The following PLEKHH2 variants were observed in gnomAD, a reference collection of about 807,000 sequenced individuals.
The protein encoded by PLEKHH2 is pleckstrin homology domain-containing family H member 2.
PLEKHH2 carries 129 observed loss-of-function variants against 187.9 expected under a neutral mutation model. The observed-to-expected ratio is 0.69, with a 90% CI of 0.59 to 0.79. The LOEUF (loss-of-function observed/expected upper bound fraction) is 0.79. PLEKHH2 is among the 30% of genes least tolerant of loss of function. PLEKHH2 has a pLI of 0.00. For synonymous variants in PLEKHH2, 686 were observed against 605.6 expected (o/e 1.13, Z -1.95); for missense variants, 2,076 against 1,751.2 (o/e 1.19, Z -3.31).
intron 4 of PLEKHH2, 132 bp from the exon 5 acceptor site, chr2:43,694,299 T>G (rs1208830201): frequency 2.8e-6 from 3 of 1,062,042 alleles, no homozygotes; most frequent in Non-Finnish European, 3.9e-6. Flanking sequence ...AAAAACCTAT[T>G]TGGTAATTTG....
intron 2 of PLEKHH2, among the ~76,000 whole-genome samples, chr2:43,671,720 C>A (rs1382954866): frequency 6.6e-6 from 1 of 152,114 alleles, no homozygotes; most frequent in Non-Finnish European, 1.5e-5. Context: ...AATGATATTT[C>A]TTTTCTAGCC....
At chr2:43,671,532 C>T (rs775413180) in intron 2 of PLEKHH2, among the ~76,000 whole-genome samples, 19 of 152,068 alleles carry the variant, frequency 1.2e-4, no homozygotes, top group Admixed American at 2.0e-4. Flanking sequence ...AGTGGTAAAA[C>T]GACATTCTTG....
chr2:43,696,779 T>C (rs1669112265), intron 6 of PLEKHH2, among the ~76,000 whole-genome samples: 1 of 152,176 alleles, frequency 6.6e-6, no homozygotes, highest in Admixed American at 6.5e-5. Flanking sequence ...CAGTTTCTTT[T>C]TCTTCACAGT....
rs1453067671 is a variant in PLEKHH2 at position 43,731,472 on chromosome 2, A to G, written c.2831-18A>G. On this transcript the variant is annotated intron_variant, in intron 18 of 29. Coordinates refer to ENST00000282406, the MANE Select transcript of PLEKHH2 (RefSeq NM_172069.4). ...GTGGTTTATTCAGTTTTCTGTTCAT[A>G]TTTTATTCTGCATTTAGCCTCTCAG... The G allele has an allele frequency of 1.3e-6, 2 of 1,482,956 alleles. No individual in the cohort carries two copies. The highest frequency in any genetic ancestry group is 1.9e-6 in the Non-Finnish European group (2 of 1,064,688). 91.9% of individuals were successfully genotyped at this position (1,482,956 alleles called of 1,614,324 possible).
intron 24 of PLEKHH2, among the ~76,000 whole-genome samples, chr2:43,748,464 C>T (rs7570762): frequency 6.6e-6 from 1 of 152,146 alleles, no homozygotes. Flanking sequence ...TAATCTGGAG[C>T]AGTAGTTCCC....
chr2:43,727,176 G>T (rs1330347063), intron 17 of PLEKHH2, among the ~76,000 whole-genome samples: 1 of 152,290 alleles, frequency 6.6e-6, no homozygotes, highest in East Asian at 1.9e-4. Flanking sequence ...CACTTCGGGA[G>T]GCCGAGGCGG....
At chr2:43,743,765 C>T (rs1259798685) in intron 22 of PLEKHH2, 69 bp from the exon 23 acceptor site, 1 of 1,405,804 alleles carries the variant, frequency 7.1e-7, no homozygotes, top group African/African-American at 1.4e-5. Flanking sequence ...TGCTCTGTTT[C>T]ATCCTTAAAA....
intron 16 of PLEKHH2, among the ~76,000 whole-genome samples, chr2:43,721,675 C>T (rs909975905): frequency 6.6e-6 from 1 of 152,098 alleles, no homozygotes; most frequent in African/African-American, 2.4e-5. Context: ...CGTTTGAGCC[C>T]AGGAGTTTGA....
chr2:43,693,477 G>A (rs946384279), intron 4 of PLEKHH2, among the ~76,000 whole-genome samples: 1 of 152,112 alleles, frequency 6.6e-6, no homozygotes, highest in Non-Finnish European at 1.5e-5. Context: ...TGTAATCCCA[G>A]CACTTTGGGA....
chr2:43,687,544 G>C (rs1285279537), intron 3 of PLEKHH2, among the ~76,000 whole-genome samples: 1 of 152,112 alleles, frequency 6.6e-6, no homozygotes, highest in Non-Finnish European at 1.5e-5. Context: ...TGGTACTTCT[G>C]TTTCTTTGAG....
chr2:43,670,864 C>T (rs757181984), intron 2 of PLEKHH2, among the ~76,000 whole-genome samples: 8 of 152,008 alleles, frequency 5.3e-5, no homozygotes, highest in Non-Finnish European at 8.8e-5. Flanking sequence ...TGATTTTCAG[C>T]ATATAAATAT....
intron 21 of PLEKHH2, chr2:43,741,459 A>T (rs1671557772): frequency 6.5e-6 from 1 of 153,798 alleles, no homozygotes; most frequent in Non-Finnish European, 1.4e-5. Flanking sequence ...TATGTATTTG[A>T]ATTACTTCAG....
chr2:43,690,546 A>G (rs1479521639), intron 3 of PLEKHH2, among the ~76,000 whole-genome samples: 2 of 152,210 alleles, frequency 1.3e-5, no homozygotes, highest in Non-Finnish European at 2.9e-5. Context: ...AATATTTTTT[A>G]GCTTTAAGTA....
At chr2:43,765,330 T>C in intron 29 of PLEKHH2, 83 bp from the exon 30 acceptor site, 1 of 1,347,780 alleles carries the variant, frequency 7.4e-7, no homozygotes, top group Non-Finnish European at 1.0e-6. Context: ...CAAATGGAGC[T>C]CACCTGTGGC....
intron 2 of PLEKHH2, among the ~76,000 whole-genome samples, chr2:43,678,437 C>T (rs929336364): frequency 3.3e-5 from 5 of 152,288 alleles, no homozygotes; most frequent in South Asian, 2.1e-4. Context: ...ACTGAGTGAA[C>T]GAGGCTCCGT....
At chr2:43,699,300 GT>G (rs1467050770) in intron 7 of PLEKHH2, among the ~76,000 whole-genome samples, 6 of 151,876 alleles carry the variant, frequency 4.0e-5, no homozygotes, top group Non-Finnish European at 8.8e-5. Flanking sequence ...AAAGCTTATA[GT>G]TTTCAAAAAC....
At chr2:43,745,247 C>A (rs1007284764) in intron 23 of PLEKHH2, among the ~76,000 whole-genome samples, 2 of 151,902 alleles carry the variant, frequency 1.3e-5, no homozygotes, top group South Asian at 4.2e-4. Context: ...ACCCAGGAGG[C>A]GGAGGTTGTA....
intron 2 of PLEKHH2, among the ~76,000 whole-genome samples, chr2:43,650,786 CAG>C (rs1666430393): frequency 6.6e-6 from 1 of 151,844 alleles, no homozygotes. Flanking sequence ...GCTGGGACTA[CAG>C]TCATGCATCA....
chr2:43,678,675 G>T (rs914963966), intron 2 of PLEKHH2, among the ~76,000 whole-genome samples, 188 bp from the exon 3 acceptor site: 1 of 151,910 alleles, frequency 6.6e-6, no homozygotes, highest in African/African-American at 2.4e-5. Context: ...GTCCAGCTTC[G>T]GCTCGGCATC....
Sources: allele counts gnomAD v4.1 joint callset (sites outside exome capture counted in the v4.1 genomes callset), GRCh38; gene constraint gnomAD v4.1.1; transcripts MANE v1.5; gene names NCBI Gene and HGNC (gene_info 2026-07-23, HGNC 2026-07-21).